The following ME3 variants were observed in gnomAD, a reference collection of about 807,000 sequenced individuals.
ME3 encodes the protein NADP-dependent malic enzyme, mitochondrial.
A neutral mutation model predicts 68.9 loss-of-function variants in ME3; 48 were observed. The observed-to-expected ratio is 0.70, with a 90% CI of 0.55 to 0.89. The LOEUF (loss-of-function observed/expected upper bound fraction) is 0.89. Ranked by LOEUF, ME3 falls within the 40% of genes least tolerant of loss-of-function variation. The pLI is 0.00. For synonymous variants in ME3, 320 were observed against 318.8 expected (o/e 1.00, Z -0.04); for missense variants, 675 against 797.4 (o/e 0.85, Z 1.85).
chr11:86,574,338 C>A (rs2139568595), intron 2 of ME3, among the ~76,000 whole-genome samples: 1 of 144,176 alleles, frequency 6.9e-6, no homozygotes, highest in African/African-American at 2.6e-5. Context: ...CCTCATCTTC[C>A]CGGATTTATC....
At chr11:86,621,874 G>A (rs1309898741) in intron 2 of ME3, among the ~76,000 whole-genome samples, 1 of 152,018 alleles carries the variant, frequency 6.6e-6, no homozygotes, top group East Asian at 1.9e-4. Flanking sequence ...AATGAACCCT[G>A]TAAAGCAGAA....
chr11:86,576,855 G>A (rs1421800155), intron 2 of ME3, among the ~76,000 whole-genome samples: 1 of 152,190 alleles, frequency 6.6e-6, no homozygotes, highest in East Asian at 1.9e-4. Flanking sequence ...TTATGCTGGG[G>A]AATCAGAGAA....
chr11:86,542,547 G>C (rs1400076765), intron 4 of ME3, among the ~76,000 whole-genome samples: 1 of 152,144 alleles, frequency 6.6e-6, no homozygotes, highest in Non-Finnish European at 1.5e-5. Flanking sequence ...AGCGGTAGAA[G>C]GGTATCAAAG....
At chr11:86,520,694 TC>T (rs2139180613) in intron 4 of ME3, among the ~76,000 whole-genome samples, 3 of 152,326 alleles carry the variant, frequency 2.0e-5, no homozygotes, top group Admixed American at 2.0e-4. Context: ...AACTGTATCC[TC>T]CACTTCCACT....
At chr11:86,512,436 A>G (rs773200466) in intron 4 of ME3, among the ~76,000 whole-genome samples, 1 of 152,236 alleles carries the variant, frequency 6.6e-6, no homozygotes, top group Non-Finnish European at 1.5e-5. Flanking sequence ...ATTATTCACC[A>G]CTATATCCCT....
In ME3 at chr11:86,508,772, C is replaced by T; in HGVS notation, c.543+20G>A. The T allele has an allele frequency of 6.3e-7, 1 of 1,587,672 alleles. No individual in the cohort carries two copies. On this transcript the variant is annotated intron_variant, in intron 5 of 14. Coordinates refer to ENST00000543262, the Ensembl canonical transcript of ME3. ...GATTCACCCAACAATGATTAAATAG[C>T]AATGAAAACGGGATCATACCTTAAT...
chr11:86,518,590 G>T (rs1372262007), intron 4 of ME3, among the ~76,000 whole-genome samples: 1 of 152,178 alleles, frequency 6.6e-6, no homozygotes, highest in Non-Finnish European at 1.5e-5. Context: ...CCATGTATAT[G>T]TAAAACTAAC....
At chr11:86,510,533 C>G (rs922458996) in intron 4 of ME3, among the ~76,000 whole-genome samples, 1 of 152,198 alleles carries the variant, frequency 6.6e-6, no homozygotes, top group Non-Finnish European at 1.5e-5. Context: ...CAATGACTCT[C>G]AAATATCTAT....
At chr11:86,608,570 T>A (rs1565208721) in intron 2 of ME3, among the ~76,000 whole-genome samples, 1 of 152,152 alleles carries the variant, frequency 6.6e-6, no homozygotes, top group Non-Finnish European at 1.5e-5. Flanking sequence ...CTCTAGAGGT[T>A]AAAGTGTGCA....
intron 2 of ME3, among the ~76,000 whole-genome samples, chr11:86,659,100 G>T (rs572868941): frequency 6.6e-6 from 1 of 152,164 alleles, no homozygotes; most frequent in African/African-American, 2.4e-5. Context: ...TTACTGCAAA[G>T]AAATACATAA....
At chr11:86,666,780 G>T (rs182057975) in intron 2 of ME3, among the ~76,000 whole-genome samples, 1 of 152,144 alleles carries the variant, frequency 6.6e-6, no homozygotes, top group African/African-American at 2.4e-5. Flanking sequence ...CAGAGATCTC[G>T]AGAAGATATA....
At chr11:86,669,064 C>T (rs1946752055) in intron 2 of ME3, among the ~76,000 whole-genome samples, 1 of 152,198 alleles carries the variant, frequency 6.6e-6, no homozygotes. Flanking sequence ...TGCAAAGTAC[C>T]AAGGCTCAAG....
chr11:86,603,847 A>G (rs1961160101), intron 2 of ME3, among the ~76,000 whole-genome samples: 1 of 151,118 alleles, frequency 6.6e-6, no homozygotes, highest in Non-Finnish European at 1.5e-5. Context: ...TCACAAGGAC[A>G]AAAAACCAAG....
chr11:86,656,170 C>T (rs939993696), intron 2 of ME3, among the ~76,000 whole-genome samples: 1 of 151,368 alleles, frequency 6.6e-6, no homozygotes, highest in African/African-American at 2.4e-5. Context: ...ACTAGTTCAA[C>T]CATTGTGGAA....
intron 2 of ME3, among the ~76,000 whole-genome samples, chr11:86,606,363 C>A (rs58797918): frequency 6.7e-6 from 1 of 148,420 alleles, no homozygotes; most frequent in African/African-American, 2.5e-5. Flanking sequence ...AGGGACGTGC[C>A]TCATCAGGGT....
chr11:86,529,970 C>T (rs1955079221), intron 4 of ME3, among the ~76,000 whole-genome samples: 1 of 152,198 alleles, frequency 6.6e-6, no homozygotes, highest in South Asian at 2.1e-4. Context: ...TCTCTCACCA[C>T]TCCTATTCAA....
chr11:86,559,642 C>T (rs34249558), intron 3 of ME3, 48 bp downstream of exon 3: 442,515 of 1,554,864 alleles, frequency 0.28, 66,857 homozygotes, highest in Non-Finnish European at 0.31. Flanking sequence ...AGGAAACAGA[C>T]AGCTCAGCCC....
chr11:86,668,608 G>A (rs958732408), intron 2 of ME3, among the ~76,000 whole-genome samples: 2 of 152,180 alleles, frequency 1.3e-5, no homozygotes, highest in African/African-American at 2.4e-5. Context: ...ACGGGCAGAG[G>A]AGCTTATGAG....
intron 10 of ME3, among the ~76,000 whole-genome samples, chr11:86,449,406 C>T (rs1949505362): frequency 6.6e-6 from 1 of 152,222 alleles, no homozygotes; most frequent in African/African-American, 2.4e-5. Context: ...GGAACAACTT[C>T]TCTACAGTGT....
Sources: gnomAD v4.1 joint callset for allele counts (sites outside exome capture counted in the v4.1 genomes callset) on GRCh38, gnomAD v4.1.1 for gene constraint, MANE v1.5 for transcripts, NCBI Gene and HGNC (gene_info 2026-07-23, HGNC 2026-07-21) for gene names.